Variants in PCSK6 observed in about 807,000 individuals in gnomAD.
PCSK6 encodes proprotein convertase subtilisin/kexin type 6.
PCSK6 carries 85 observed loss-of-function variants against 123.3 expected under a neutral mutation model. The observed-to-expected ratio is 0.69, with a 90% CI of 0.58 to 0.83. The LOEUF (loss-of-function observed/expected upper bound fraction) is 0.83, where lower values mean the gene tolerates loss of function less well. PCSK6 is among the 40% of genes least tolerant of loss of function. The probability of loss-of-function intolerance (pLI) is 0.00; values close to 1 mark genes in which losing one functional copy is unlikely to be tolerated. For missense variants in PCSK6, 1,191 were observed against 1,282.3 expected, an observed-to-expected ratio of 0.93 and a Z score of 1.09; for synonymous variants, 508 against 516.0, an observed-to-expected ratio of 0.98 and a Z score of 0.21.
chr15:101,311,285 ATTTTT>A (rs71154317), intron 20 of PCSK6, among the ~76,000 whole-genome samples: 4 of 114,954 alleles, frequency 3.5e-5, no homozygotes, highest in Non-Finnish European at 7.4e-5. Flanking sequence ...TAATTTTTGC[ATTTTT>A]TTTTTTTTTT....
rs377127012 is a variant in PCSK6, at chr15:101,432,019, C to T, written c.484G>A (p.Asp162Asn). 3.7e-6 allele frequency: 6 copies of T among 1,613,458 alleles called. No individual in the cohort carries two copies. The highest frequency in any genetic ancestry group is 3.4e-6 in the Non-Finnish European group (4 of 1,179,696). ...RSDPQALYFN[D>N]PIWSNMWYLH... is the part of the protein sequence containing the mutation. ...TACCACATGTTGGACCAAATGGGGT[C>T]GTTGAAGTAAAGGGCCTGCGGGTCA... is the stretch of plus-strand genomic sequence containing the variant. Residue 162 changes from aspartate to asparagine, a missense_variant, in exon 3 of 22, where the codon GAC becomes AAC. Coordinates refer to ENST00000611716, the MANE Select transcript of PCSK6 (RefSeq NM_002570.5).
At chr15:101,340,552 T>C (rs1372383228) in intron 13 of PCSK6, among the ~76,000 whole-genome samples, 1 of 152,230 alleles carries the variant, frequency 6.6e-6, no homozygotes, top group Non-Finnish European at 1.5e-5. Context: ...CCTCCTTCAC[T>C]CCATTCTACC....
At chr15:101,466,032 T>A (rs2057451857) in intron 1 of PCSK6, among the ~76,000 whole-genome samples, 1 of 151,712 alleles carries the variant, frequency 6.6e-6, no homozygotes, top group Non-Finnish European at 1.5e-5. Context: ...AACACACCAA[T>A]CAAAAGACAG....
chr15:101,368,657 C>T (rs1567169658), intron 12 of PCSK6, among the ~76,000 whole-genome samples: 1 of 152,154 alleles, frequency 6.6e-6, no homozygotes, highest in African/African-American at 2.4e-5. Context: ...TCAGGGGTCA[C>T]AAACCTGGGT....
At chr15:101,458,471 A>T (rs2057250284) in intron 1 of PCSK6, among the ~76,000 whole-genome samples, 1 of 152,084 alleles carries the variant, frequency 6.6e-6, no homozygotes, top group African/African-American at 2.4e-5. Context: ...CCCCCACAGG[A>T]CCCGGCTTCT....
At chr15:101,330,502 T>G (rs1253816520) in intron 15 of PCSK6, among the ~76,000 whole-genome samples, 1 of 152,184 alleles carries the variant, frequency 6.6e-6, no homozygotes. Flanking sequence ...TCTGGCACCG[T>G]CTGGTTCTCA....
chr15:101,331,746 A>T, intron 14 of PCSK6, 57 bp from the exon 15 acceptor site: 2 of 1,601,538 alleles, frequency 1.2e-6, no homozygotes, highest in Non-Finnish European at 1.7e-6. Flanking sequence ...GAGACACACA[A>T]CCATCAGCCC....
intron 5 of PCSK6, among the ~76,000 whole-genome samples, chr15:101,429,242 G>C (rs985174123): frequency 6.6e-6 from 1 of 152,120 alleles, no homozygotes; most frequent in African/African-American, 2.4e-5. Flanking sequence ...GAGAAGGAAA[G>C]AGACAGCAAA....
Position 101,420,218 on chromosome 15 carries a change from A to G in PCSK6, c.823+7674T>C, listed in dbSNP as rs574037141. ...AAAAAAAAAAAAAAAGCTAAACAGGAAAGAGAAAACCATAAAAATTTTAAG... is the reference window on the plus strand; with the variant it reads ...AAAAAAAAAAAAAAAGCTAAACAGGGAAGAGAAAACCATAAAAATTTTAAG... On this transcript the variant is annotated intron_variant, in intron 6 of 21. Coordinates refer to ENST00000611716, the MANE Select transcript of PCSK6 (RefSeq NM_002570.5). Among the ~76,000 whole-genome samples, 7 of 151,352 alleles carry G rather than the reference A, an allele frequency of 4.6e-5. No individual in the cohort carries two copies. The East Asian group carries it at 1.2e-3, about 25-fold the overall frequency.
chr15:101,465,391 A>G (rs944520884), intron 1 of PCSK6, among the ~76,000 whole-genome samples: 2 of 152,206 alleles, frequency 1.3e-5, no homozygotes, highest in Non-Finnish European at 2.9e-5. Flanking sequence ...TGTTCTGCTC[A>G]TGGAAACAGG....
intron 6 of PCSK6, among the ~76,000 whole-genome samples, chr15:101,401,869 C>T (rs2042597984): frequency 6.6e-6 from 1 of 152,018 alleles, no homozygotes; most frequent in African/African-American, 2.4e-5. Flanking sequence ...GATTCAATGC[C>T]ATCCCCATCA....
intron 18 of PCSK6, among the ~76,000 whole-genome samples, chr15:101,318,967 T>A (rs188427823): frequency 1.8e-4 from 28 of 152,330 alleles, no homozygotes; most frequent in Admixed American, 1.8e-3. Flanking sequence ...ATGCAGCCCC[T>A]ACCTTCCTCT....
chr15:101,343,788 T>C (rs1386486323), intron 13 of PCSK6, among the ~76,000 whole-genome samples: 1 of 152,168 alleles, frequency 6.6e-6, no homozygotes, highest in East Asian at 1.9e-4. Context: ...CTTCCATTCG[T>C]GTTTGAAAAG....
In PCSK6 at chr15:101,429,368, C is replaced by T. The variant is rs139175239; in HGVS notation, c.734+619G>A. Among the ~76,000 whole-genome samples the T allele has an allele frequency of 8.5e-5, 13 of 152,258 alleles. No homozygotes were observed. The South Asian group carries it at 1.2e-3, about 15-fold the overall frequency. ...AGTGACACAAAAACGCCCACCATTT[C>T]GGAAGAATCTGCTGGGTGCATTCCT... On this transcript the variant is annotated intron_variant, in intron 5 of 21. Transcript: ENST00000611716.
intron 6 of PCSK6, among the ~76,000 whole-genome samples, chr15:101,412,950 T>G (rs1372637755): frequency 6.7e-6 from 1 of 149,690 alleles, no homozygotes; most frequent in Non-Finnish European, 1.5e-5. Context: ...ACTGCCCCAC[T>G]GCACTCCAGC....
chr15:101,469,400 C>T (rs1481433740), intron 1 of PCSK6, among the ~76,000 whole-genome samples: 1 of 152,154 alleles, frequency 6.6e-6, no homozygotes, highest in East Asian at 1.9e-4. Context: ...TGTGTGCAGG[C>T]GAGAAACCAT....
At chr15:101,307,459 C>G (rs1011419206) in intron 20 of PCSK6, 134 bp from the exon 21 acceptor site, 1 of 636,318 alleles carries the variant, frequency 1.6e-6, no homozygotes, top group African/African-American at 1.8e-5. Flanking sequence ...GAGGCTGTGT[C>G]GCCCACCATT....
At position 101,366,310 on chromosome 15, in the gene PCSK6, C is replaced by T. The variant is rs764161554; in HGVS notation, c.1744G>A (p.Gly582Arg). 6.2e-7 allele frequency: 1 copy of T among 1,612,842 alleles called. No individual in the cohort carries two copies. Among genetic ancestry groups the T allele is most frequent in the South Asian group, 1.1e-5 (1 of 90,846 alleles). The change falls in exon 13 of 22, where the codon GGG becomes AGG. Residue 582 changes from glycine to arginine, a missense_variant. By Grantham distance (125) the Gly-to-Arg change is moderately radical (BLOSUM62 -2). Coordinates refer to ENST00000611716, the MANE Select transcript of PCSK6 (RefSeq NM_002570.5). ...AKRLLDLSNE[G>R]FTNWEFMTVH... ...GTCATGAATTCCCAGTTTGTAAACCCTTCATTGGAAAGATCCAGCAACCTG... is the reference window on the plus strand; with the variant it reads ...GTCATGAATTCCCAGTTTGTAAACCTTTCATTGGAAAGATCCAGCAACCTG...
At chr15:101,474,358 A>G (rs1484564586) in intron 1 of PCSK6, among the ~76,000 whole-genome samples, 1 of 152,252 alleles carries the variant, frequency 6.6e-6, no homozygotes, top group Non-Finnish European at 1.5e-5. Context: ...ATAAAACCAC[A>G]GGCCTCTGCT....
Sources: allele counts gnomAD v4.1 joint callset (sites outside exome capture counted in the v4.1 genomes callset), GRCh38; gene constraint gnomAD v4.1.1; transcripts MANE v1.5; gene names NCBI Gene and HGNC (gene_info 2026-07-23, HGNC 2026-07-21).